DCLK1: variants seen among roughly 807,000 people sequenced by gnomAD.
The protein encoded by DCLK1 is serine/threonine-protein kinase DCLK1.
Under a neutral mutation model 86.2 loss-of-function variants are expected in DCLK1, and 16 were observed. That is an observed-to-expected ratio of 0.19 (90% CI 0.13 to 0.28). DCLK1 has a LOEUF of 0.28. Ranked by LOEUF, DCLK1 falls within the 10% of genes least tolerant of loss-of-function variation. DCLK1 has a pLI of 1.00. For missense variants in DCLK1, 590 were observed against 940.2 expected (o/e 0.63, Z 4.87); for synonymous variants, 369 against 370.5 (o/e 1.00, Z 0.05).
intron 4 of DCLK1, among the ~76,000 whole-genome samples, chr13:35,911,622 C>A (rs1225843121): frequency 6.6e-6 from 1 of 152,148 alleles, no homozygotes; most frequent in East Asian, 1.9e-4. Context: ...ATTGCCTCTG[C>A]CACCCAGAAC....
chr13:35,808,399 G>C (rs778363306), intron 13 of DCLK1, 79 bp from the exon 14 acceptor site: 28 of 1,171,890 alleles, frequency 2.4e-5, no homozygotes, highest in Non-Finnish European at 3.6e-5. Context: ...TTAGGCACTG[G>C]AGCCCTTCCT....
chr13:36,093,483 C>T (rs1158520513), intron 3 of DCLK1, among the ~76,000 whole-genome samples: 2 of 152,082 alleles, frequency 1.3e-5, no homozygotes, highest in South Asian at 2.1e-4. Flanking sequence ...AAAACAGCAC[C>T]GTGTGATTAA....
chr13:35,953,666 A>G (rs1877824940), intron 3 of DCLK1, among the ~76,000 whole-genome samples: 1 of 152,180 alleles, frequency 6.6e-6, no homozygotes, highest in Admixed American at 6.5e-5. Context: ...GTTGCTCTGC[A>G]AGGGCAGAGA....
chr13:36,125,462 T>C (rs888961919), intron 2 of DCLK1, among the ~76,000 whole-genome samples: 2 of 152,212 alleles, frequency 1.3e-5, no homozygotes, highest in African/African-American at 4.8e-5. Context: ...AACTATGAGA[T>C]TGAAGAGATA....
chr13:35,901,332 CA>C (rs949957865), intron 4 of DCLK1, among the ~76,000 whole-genome samples: 5 of 150,682 alleles, frequency 3.3e-5, no homozygotes, highest in African/African-American at 1.2e-4. Context: ...ACTAAAAATA[CA>C]AAAAAAATTA....
intron 16 of DCLK1, among the ~76,000 whole-genome samples, chr13:35,792,590 C>T (rs1331097222): frequency 6.7e-6 from 1 of 148,580 alleles, no homozygotes; most frequent in African/African-American, 2.6e-5. Context: ...AAAATTTACA[C>T]ACTCTGAAAA....
At chr13:35,940,860 A>G (rs1054659229) in intron 4 of DCLK1, among the ~76,000 whole-genome samples, 4 of 152,160 alleles carry the variant, frequency 2.6e-5, no homozygotes, top group African/African-American at 9.7e-5. Flanking sequence ...TCTGCCTCCA[A>G]TTAAGCCCCA....
At chr13:35,939,464 G>T (rs1876962823) in intron 4 of DCLK1, among the ~76,000 whole-genome samples, 1 of 152,218 alleles carries the variant, frequency 6.6e-6, no homozygotes, top group Non-Finnish European at 1.5e-5. Flanking sequence ...GGCAGGAGTG[G>T]CGCAATCTCT....
rs79504656 is a variant in DCLK1 at position 35,802,579 on chromosome 13, G to T, written c.1944+3120C>A. On this transcript the variant is annotated intron_variant, in intron 15 of 16. Transcript: ENST00000360631. ...AAGATCTGAAAAACAATTCCTAAAA[G>T]ATCAACTTTTCCAGAAAACTAGCTA... 0.01 allele frequency among the ~76,000 whole-genome samples: 1,520 copies of T among 151,938 alleles called. 53 individuals carry two copies. In the East Asian group the frequency reaches 0.12, roughly 12 times the overall value.
chr13:35,917,122 G>A (rs577278882), intron 4 of DCLK1, among the ~76,000 whole-genome samples: 7 of 152,224 alleles, frequency 4.6e-5, no homozygotes, highest in African/African-American at 1.7e-4. Context: ...CTCCATGACT[G>A]TCCACCCTTC....
chr13:36,007,982 T>C (rs1024856647), intron 3 of DCLK1, among the ~76,000 whole-genome samples: 2 of 151,928 alleles, frequency 1.3e-5, no homozygotes, highest in African/African-American at 4.8e-5. Context: ...TAAGGAGTAA[T>C]TAATACAATT....
Position 35,799,891 on chromosome 13 carries a change from C to A in DCLK1, c.1944+5808G>T, listed in dbSNP as rs187304296. Among the ~76,000 whole-genome samples, 565 of 152,102 alleles carry A rather than the reference C, an allele frequency of 3.7e-3. 6 individuals carry two copies. The highest frequency in any genetic ancestry group is 0.011 in the South Asian group (52 of 4,824). ...AAGATATATTATTGCCTATTTTATT[C>A]TTATATTATAATAAATGTGCCTAAA... is the stretch of plus-strand genomic sequence containing the variant. On this transcript the variant is annotated intron_variant, in intron 15 of 16. Transcript: ENST00000360631.
intron 4 of DCLK1, among the ~76,000 whole-genome samples, chr13:35,920,344 CA>C (rs1875725502): frequency 6.6e-6 from 1 of 152,138 alleles, no homozygotes; most frequent in Admixed American, 6.5e-5. Context: ...AAGTGTATGA[CA>C]ATATCCTAAT....
chr13:35,990,208 T>C (rs974496524), intron 3 of DCLK1, among the ~76,000 whole-genome samples: 4 of 152,186 alleles, frequency 2.6e-5, no homozygotes, highest in African/African-American at 9.7e-5. Context: ...AGAGTACAAG[T>C]TGTACTAATA....
At chr13:35,853,008 T>C (rs1454151009) in intron 6 of DCLK1, among the ~76,000 whole-genome samples, 1 of 152,202 alleles carries the variant, frequency 6.6e-6, no homozygotes, top group Non-Finnish European at 1.5e-5. Flanking sequence ...CCCTTCCTGC[T>C]CTGTATCCAA....
intron 4 of DCLK1, among the ~76,000 whole-genome samples, chr13:35,881,467 G>A (rs932614425): frequency 6.6e-6 from 1 of 152,040 alleles, no homozygotes; most frequent in Non-Finnish European, 1.5e-5. Flanking sequence ...TCCTCTGCCT[G>A]CCTTTGAGTC....
chr13:35,910,113 T>C (rs1370152995), intron 4 of DCLK1, among the ~76,000 whole-genome samples: 3 of 152,162 alleles, frequency 2.0e-5, no homozygotes, highest in Admixed American at 6.5e-5. Context: ...CTCCTCTAAG[T>C]TGAATTTATC....
At chr13:35,831,425 C>A (rs1265977272) in intron 8 of DCLK1, among the ~76,000 whole-genome samples, 2 of 152,124 alleles carry the variant, frequency 1.3e-5, no homozygotes, top group Non-Finnish European at 2.9e-5. Flanking sequence ...TAAGTGTCTG[C>A]TTTAAGTGAA....
intron 4 of DCLK1, among the ~76,000 whole-genome samples, chr13:35,886,348 G>C (rs1052286944): frequency 2.6e-5 from 4 of 152,052 alleles, no homozygotes; most frequent in African/African-American, 9.7e-5. Context: ...CTTTCCAAGG[G>C]GCTACTTAAA....
Sources: allele counts gnomAD v4.1 joint callset (sites outside exome capture counted in the v4.1 genomes callset), GRCh38; gene constraint gnomAD v4.1.1; transcripts MANE v1.5; gene names NCBI Gene and HGNC (gene_info 2026-07-23, HGNC 2026-07-21).